The following OTOF variants were observed in gnomAD, a reference collection of about 807,000 sequenced individuals.
OTOF encodes otoferlin, also known as fer-1-like family member 2.
A neutral mutation model predicts 236.8 loss-of-function variants in OTOF; 218 were observed. That is an observed-to-expected ratio of 0.92 (90% CI 0.82 to 1.03). The LOEUF is 1.03. Among genes scored for constraint, OTOF ranks in the 50% least tolerant of loss-of-function variants. OTOF has a pLI of 0.00. For synonymous variants in OTOF, 1,041 were observed against 1,072.5 expected, an observed-to-expected ratio of 0.97 and a Z score of 0.57; for missense variants, 2,590 against 2,694.4, an observed-to-expected ratio of 0.96 and a Z score of 0.86.
At chr2:26,532,631 G>A (rs1666977440) in intron 2 of OTOF, among the ~76,000 whole-genome samples, 2 of 152,172 alleles carry the variant, frequency 1.3e-5, no homozygotes, top group Admixed American at 1.3e-4. Context: ...CAGAAGCAAG[G>A]TGGTAGGTAG....
rs1199049092 is a variant in OTOF, at chr2:26,462,221, G to A, written c.5193-40C>T. 2 of 1,566,330 alleles carry A rather than the reference G, an allele frequency of 1.3e-6. No homozygotes were observed. The highest frequency in any genetic ancestry group is 1.8e-6 in the Non-Finnish European group (2 of 1,136,998). The stretch of plus-strand genomic sequence containing the variant: ...AGAAGGCTGGTTAGCAGCCCCAGGT[G>A]GGGGTTATGCCAGGGTGCCAGGGCT... On this transcript the variant is annotated intron_variant, in intron 41 of 46. Transcript: ENST00000272371. This position sits in a 1 kb window ranked among gnomAD's most constrained non-coding sequence, Gnocchi z 4.7.
In OTOF at chr2:26,460,335, T is replaced by C. The variant is rs1664403136; in HGVS notation, c.5814-130A>G. 2.5e-6 allele frequency: 2 copies of C among 793,406 alleles called. No homozygotes were observed. The highest frequency in any genetic ancestry group is 4.2e-6 in the Non-Finnish European group (2 of 477,672). The allele number at this position is 793,406 out of a possible 1,614,324, so 49.1% of individuals were successfully genotyped here. A position where few individuals can be genotyped will look rare whatever the true frequency, so the allele number is the denominator to read the frequency against. On this transcript the variant is annotated intron_variant, in intron 45 of 46. Coordinates refer to ENST00000272371, the MANE Select transcript of OTOF (RefSeq NM_194248.3). This position sits in a 1 kb window ranked among gnomAD's most constrained non-coding sequence, Gnocchi z 5.3. ...GCAGTTCTAGGCACCCCTCTGGCCATCAAGGCTGGCCATGGCCCCAGAGGC... is the reference window on the plus strand; with the variant it reads ...GCAGTTCTAGGCACCCCTCTGGCCACCAAGGCTGGCCATGGCCCCAGAGGC...
chr2:26,472,727 C>G (rs979104929), intron 29 of OTOF, 78 bp from the exon 30 acceptor site: 1 of 1,477,892 alleles, frequency 6.8e-7, no homozygotes, highest in Non-Finnish European at 9.3e-7. Context: ...CAGGAAGGTG[C>G]GGAGAACTAA....
At chr2:26,529,124 G>A (rs780329753) in intron 2 of OTOF, among the ~76,000 whole-genome samples, 1 of 152,148 alleles carries the variant, frequency 6.6e-6, no homozygotes, top group Non-Finnish European at 1.5e-5. Context: ...CACATCCTGA[G>A]CCACAAGCAT....
Position 26,477,168 on chromosome 2 carries a change from G to A in OTOF, c.2523+4C>T, listed in dbSNP as rs367638702. 1.0e-5 allele frequency: 16 copies of A among 1,607,646 alleles called. No individual in the cohort carries two copies. The Admixed American group carries it at 1.2e-4, about 12-fold the overall frequency. The stretch of plus-strand genomic sequence containing the variant: ...AGGCAAAGCCCCGACCCCTTGGGCC[G>A]CACCTCGTCCGCCAGGAAGCGCAGC... On this transcript the variant is annotated splice_donor_region_variant and intron_variant, in intron 21 of 46. Transcript: ENST00000272371. This position sits in a 1 kb window ranked among gnomAD's most constrained non-coding sequence, Gnocchi z 4.7.
chr2:26,480,104 G>A, intron 16 of OTOF, 99 bp downstream of exon 16: 1 of 781,178 alleles, frequency 1.3e-6, no homozygotes, highest in South Asian at 1.4e-5. Flanking sequence ...ACAGGGCTGA[G>A]GTGCAGAGCC....
chr2:26,464,237 TG>T, intron 39 of OTOF, 131 bp from the exon 40 acceptor site: 1 of 1,154,422 alleles, frequency 8.7e-7, no homozygotes, highest in Admixed American at 2.0e-5. Context: ...TTTTCACTGT[TG>T]GGGAAACTGA....
intron 11 of OTOF, among the ~76,000 whole-genome samples, chr2:26,488,773 G>A (rs1373885630): frequency 6.6e-6 from 1 of 152,330 alleles, no homozygotes; most frequent in East Asian, 1.9e-4. Context: ...TCCTGTGAGG[G>A]GTGGAAAGGG....
chr2:26,539,192 A>G (rs1056498832), intron 1 of OTOF, among the ~76,000 whole-genome samples: 12 of 152,124 alleles, frequency 7.9e-5, no homozygotes, highest in African/African-American at 2.9e-4. Flanking sequence ...AAGGGAGGAT[A>G]AATACTGTTT....
chr2:26,473,317 C>T lies in OTOF; in HGVS notation c.3571-23G>A, dbSNP rs752470236. 2 of 1,613,200 alleles carry T rather than the reference C, an allele frequency of 1.2e-6. No individual in the cohort carries two copies. Among genetic ancestry groups the T allele is most frequent in the South Asian group, 2.2e-5 (2 of 91,084 alleles). On this transcript the variant is annotated intron_variant, in intron 28 of 46. Transcript: ENST00000272371. This position sits in a 1 kb window ranked among gnomAD's most constrained non-coding sequence, Gnocchi z 7.2. Reference sequence around the variant, plus strand: ...GTCCTGGGGTGTTGGCGACAGGAGCCTGAGCCTCCAAGAAGGGGCAGAGGA... The same window carrying T: ...GTCCTGGGGTGTTGGCGACAGGAGCTTGAGCCTCCAAGAAGGGGCAGAGGA...
rs1558478225 is a variant in OTOF, at chr2:26,472,558, T to G, written c.3825A>C (p.Val1275=). ...CCATGGTCTCCAGTTTCTTGATGGG[T>G]ACCTCTGGCTCCATAGTCACCACAA... ...GEVVVTMEPE[V]PIKKLETMVK... The change falls in exon 30 of 47, where the codon GTA becomes GTC. Residue 1275 remains valine, a synonymous_variant. Transcript: ENST00000272371. 6.2e-7 allele frequency: 1 copy of G among 1,613,480 alleles called. No homozygotes were observed. The highest frequency in any genetic ancestry group is 2.2e-5 in the East Asian group (1 of 44,880).
rs58695074 is a variant in OTOF, at chr2:26,459,552, C to CAA, written c.*17+454_*17+455dup. 3.1e-3 allele frequency among the ~76,000 whole-genome samples: 216 copies of CAA among 68,986 alleles called. 1 individual carries two copies. The highest frequency in any genetic ancestry group is 9.3e-3 in the African/African-American group (170 of 18,214). 45.3% of individuals were successfully genotyped at this position (68,986 alleles called of 152,430 possible). On this transcript the variant is annotated intron_variant, in intron 46 of 46. Transcript: ENST00000272371. ...GGGCGACAGAGCGAGACTCTGTCTCCAAAAAAAAAAAAAAAAAAAAAAAAT... is the reference window on the plus strand; with the variant it reads ...GGGCGACAGAGCGAGACTCTGTCTCCAAAAAAAAAAAAAAAAAAAAAAAAAAT...
intron 5 of OTOF, 102 bp downstream of exon 5, chr2:26,516,316 G>C: frequency 9.1e-7 from 1 of 1,103,430 alleles, no homozygotes; most frequent in Non-Finnish European, 1.3e-6. Flanking sequence ...CCTGTACTCT[G>C]AGCCCAGCTA....
At position 26,558,613 on chromosome 2, in the gene OTOF, G is replaced by A; in HGVS notation, c.-42C>T. ...TGGCACTGCCAGGCAGGAGCAGCGGGAAGGAGCTAGCCGGTGGAGCACGGC... is the reference window on the plus strand; with the variant it reads ...TGGCACTGCCAGGCAGGAGCAGCGGAAAGGAGCTAGCCGGTGGAGCACGGC... On this transcript the variant is annotated 5_prime_UTR_variant, in exon 1 of 47. Transcript: ENST00000272371. The A allele has an allele frequency of 1.3e-6, 2 of 1,543,676 alleles. No individual in the cohort carries two copies. The highest frequency in any genetic ancestry group is 1.4e-5 in the African/African-American group (1 of 73,668).
intron 1 of OTOF, among the ~76,000 whole-genome samples, chr2:26,550,268 G>C (rs1227170941): frequency 6.6e-5 from 10 of 152,176 alleles, no homozygotes; most frequent in African/African-American, 2.4e-4. Context: ...GGGTAAAAAT[G>C]ATCACATGAT....
At chr2:26,517,271 T>C (rs1286495680) in intron 4 of OTOF, among the ~76,000 whole-genome samples, 1 of 151,956 alleles carries the variant, frequency 6.6e-6, no homozygotes, top group East Asian at 1.9e-4. Flanking sequence ...TCCCCCCCAG[T>C]GCACAGGGAT....
At chr2:26,469,330 A>T (rs1664876642) in intron 32 of OTOF, among the ~76,000 whole-genome samples, 1 of 152,242 alleles carries the variant, frequency 6.6e-6, no homozygotes, top group Non-Finnish European at 1.5e-5. Flanking sequence ...AGACGACAAC[A>T]GGCAGCCTCT....
At chr2:26,542,119 G>C (rs1218326390) in intron 1 of OTOF, among the ~76,000 whole-genome samples, 1 of 152,228 alleles carries the variant, frequency 6.6e-6, no homozygotes, top group Non-Finnish European at 1.5e-5. Context: ...TTCAGAAGCA[G>C]GATGCCATGC....
At chr2:26,531,683 C>A (rs543717115) in intron 2 of OTOF, among the ~76,000 whole-genome samples, 2 of 152,100 alleles carry the variant, frequency 1.3e-5, no homozygotes, top group South Asian at 4.1e-4. Flanking sequence ...GTGGTTATGT[C>A]CTTTCCTCCA....
Sources: gnomAD v4.1 joint callset for allele counts (sites outside exome capture counted in the v4.1 genomes callset) on GRCh38, gnomAD v4.1.1 for gene constraint, Gnocchi (gnomAD v3.1) non-coding constraint, MANE v1.5 for transcripts, NCBI Gene and HGNC (gene_info 2026-07-23, HGNC 2026-07-21) for gene names.